The following FCHSD1 variants were observed in gnomAD, a reference collection of about 807,000 sequenced individuals.
FCHSD1 encodes F-BAR and double SH3 domains protein 1.
In FCHSD1, 109 loss-of-function variants were observed where a neutral mutation model predicts 101.3. The ratio of observed to expected loss-of-function variants is 1.08; its 90% CI spans 0.92 to 1.26. The LOEUF (loss-of-function observed/expected upper bound fraction) is 1.26. Among genes scored for constraint, FCHSD1 ranks in the 50% most tolerant of loss-of-function variants. The pLI, the probability that FCHSD1 is intolerant of heterozygous loss-of-function variation, is 0.00. For missense variants in FCHSD1, 820 were observed against 895.8 expected (o/e 0.92, Z 1.08); for synonymous variants, 291 against 356.8 (o/e 0.82, Z 2.08).
chr5:141,640,971 C>T lies in FCHSD1; in HGVS notation c.*527G>A, dbSNP rs888715992. ...TGGTGGGCCCCTAAAGCAATAGCAC[C>T]GTAGGCCCCCTGCCCTCTTAGCACA... On this transcript the variant is annotated 3_prime_UTR_variant, in exon 20 of 20. Coordinates refer to ENST00000435817, the MANE Select transcript of FCHSD1 (RefSeq NM_033449.3). 3 of 472,870 alleles carry T rather than the reference C, an allele frequency of 6.3e-6. No homozygotes were observed. The highest frequency in any genetic ancestry group is 3.3e-5 in the East Asian group (1 of 30,638). 29.3% of individuals were successfully genotyped at this position (472,870 alleles called of 1,614,324 possible).
chr5:141,640,028 T>A lies in FCHSD1; in HGVS notation c.*1470A>T. 6.2e-7 allele frequency: 1 copy of A among 1,613,174 alleles called. No homozygotes were observed. The highest frequency in any genetic ancestry group is 8.5e-7 in the Non-Finnish European group (1 of 1,179,770). ...GTGGGGGACAGGACCCAGGGGGTGG[T>A]CAGGGGTCTGGGGGAGGGCAGCCCA... On this transcript the variant is annotated 3_prime_UTR_variant, in exon 20 of 20. Coordinates refer to ENST00000435817, the MANE Select transcript of FCHSD1 (RefSeq NM_033449.3).
chr5:141,651,065 A>T lies in FCHSD1; in HGVS notation c.74T>A (p.Leu25His). Residue 25 changes from leucine (L) to histidine (H), a missense_variant, in exon 2 of 20, where the codon CTT becomes CAT. Leu to His is a moderately conservative substitution (Grantham distance 99). Transcript: ENST00000435817. ...CGCCTCCCTCTGCTGCCAGGTCTGA[A>T]GGATGCTCAGCTGTTCCAGGAAGCG... Reference protein sequence around the residue: ...KLRFLEQLSILQTWQQREADL... With the variant: ...KLRFLEQLSIHQTWQQREADL... 6.3e-7 allele frequency: 1 copy of T among 1,599,170 alleles called. No individual in the cohort carries two copies. The highest frequency in any genetic ancestry group is 1.1e-5 in the South Asian group (1 of 88,172).
At position 141,640,892 on chromosome 5, in the gene FCHSD1, C is replaced by T; in HGVS notation, c.*606G>A. ...AACAGGCTGCCTGCCCCGCCTTCCC[C>T]AACACCTCGCTCCATATGATAGAGC... On this transcript the variant is annotated 3_prime_UTR_variant, in exon 20 of 20. Transcript: ENST00000435817. The T allele has an allele frequency of 3.4e-6, 2 of 585,588 alleles. No individual in the cohort carries two copies. Among genetic ancestry groups the T allele is most frequent in the Non-Finnish European group, 3.0e-6 (1 of 330,576 alleles). The allele number at this position is 585,588 out of a possible 1,614,324, so 36.3% of individuals were successfully genotyped here.
Position 141,649,352 on chromosome 5 carries a change from G to T in FCHSD1, c.375+43C>A. 1 of 1,613,810 alleles carries T rather than the reference G, an allele frequency of 6.2e-7. No individual in the cohort carries two copies. Among genetic ancestry groups the T allele is most frequent in the Non-Finnish European group, 8.5e-7 (1 of 1,179,766 alleles). On this transcript the variant is annotated intron_variant, in intron 5 of 19. Transcript: ENST00000435817. This position sits in a 1 kb window ranked among gnomAD's most constrained non-coding sequence, Gnocchi z 4.1. The stretch of plus-strand genomic sequence containing the variant: ...AAAGTCCTTACCTAGACCACCTTTG[G>T]TCCCAAGCCAGCTCTTCCTTCACCC...
In FCHSD1 at chr5:141,640,382, C is replaced by T. The variant is rs2099906709; in HGVS notation, c.*1116G>A. On this transcript the variant is annotated 3_prime_UTR_variant, in exon 20 of 20. Coordinates refer to ENST00000435817, the MANE Select transcript of FCHSD1 (RefSeq NM_033449.3). ...CACTGATAGGACCTACTCCTGGTCT[C>T]TCATTGTTGACCCCTCCCCTTTCTC... 1.2e-6 allele frequency: 2 copies of T among 1,614,174 alleles called. No homozygotes were observed. Among genetic ancestry groups the T allele is most frequent in the Non-Finnish European group, 1.7e-6 (2 of 1,180,014 alleles).
chr5:141,641,665 C>G, intron 19 of FCHSD1, 37 bp downstream of exon 19: 1 of 1,613,544 alleles, frequency 6.2e-7, no homozygotes, highest in Non-Finnish European at 8.5e-7. Flanking sequence ...GGAATAACCC[C>G]TCTACATACA....
Position 141,640,285 on chromosome 5 carries a change from CTGA to C in FCHSD1, c.*1210_*1212del. The C allele has an allele frequency of 6.2e-7, 1 of 1,613,856 alleles. No homozygotes were observed. Among genetic ancestry groups the C allele is most frequent in the Non-Finnish European group, 8.5e-7 (1 of 1,179,856 alleles). The stretch of plus-strand genomic sequence containing the variant: ...GGGCAGCCAAGCAAACCAGACACTT[CTGA>C]TCACCAGGTAGGAAAACACAGCCGG... On this transcript the variant is annotated 3_prime_UTR_variant, in exon 20 of 20. Transcript: ENST00000435817.
Position 141,639,785 on chromosome 5 carries a change from C to G in FCHSD1, c.*1713G>C. 7.7e-7 allele frequency: 1 copy of G among 1,292,534 alleles called. No individual in the cohort carries two copies. Among genetic ancestry groups the G allele is most frequent in the Non-Finnish European group, 1.1e-6 (1 of 915,908 alleles). The allele number at this position is 1,292,534 out of a possible 1,614,324, so 80.1% of individuals were successfully genotyped here. ...AGAAGTCAGGCTACACAATGTGCCC[C>G]ACAATCTGAGAAGGCCTCCCCTACC... On this transcript the variant is annotated 3_prime_UTR_variant, in exon 20 of 20. Transcript: ENST00000435817. The surrounding 1 kb of genome is among the most constrained non-coding windows in gnomAD (Gnocchi z 4.4).
chr5:141,650,503 T>G, intron 2 of FCHSD1, 99 bp from the exon 3 acceptor site: 14 of 1,432,014 alleles, frequency 9.8e-6, no homozygotes, highest in Non-Finnish European at 1.4e-5. Flanking sequence ...AGGGAGCGGT[T>G]GGGGGGAGCC....
chr5:141,649,783 C>A lies in FCHSD1; in HGVS notation c.233+104G>T. ...TGCTGTGTCAGCTCTACCTACAGCTCACGTGCCTTCCCCACTTGCTAGGCC... is the reference window on the plus strand; with the variant it reads ...TGCTGTGTCAGCTCTACCTACAGCTAACGTGCCTTCCCCACTTGCTAGGCC... On this transcript the variant is annotated intron_variant, in intron 4 of 19. Coordinates refer to ENST00000435817, the MANE Select transcript of FCHSD1 (RefSeq NM_033449.3). The surrounding 1 kb of genome is among the most constrained non-coding windows in gnomAD (Gnocchi z 4.1). 1 of 1,359,698 alleles carries A rather than the reference C, an allele frequency of 7.4e-7. No individual in the cohort carries two copies. Among genetic ancestry groups the A allele is most frequent in the Non-Finnish European group, 1.0e-6 (1 of 1,001,308 alleles). The allele number at this position is 1,359,698 out of a possible 1,614,324, so 84.2% of individuals were successfully genotyped here.
At chr5:141,650,947 G>C in intron 2 of FCHSD1, 73 bp downstream of exon 2, 2 of 1,396,668 alleles carry the variant, frequency 1.4e-6, no homozygotes, top group Middle Eastern at 1.8e-4. Context: ...CTCCACCCCA[G>C]CACATGTATA....
chr5:141,646,593 C>G lies in FCHSD1; in HGVS notation c.1044+10G>C. The G allele has an allele frequency of 1.2e-6, 2 of 1,609,386 alleles. No homozygotes were observed. Among genetic ancestry groups the G allele is most frequent in the East Asian group, 2.2e-5 (1 of 44,788 alleles). Reference sequence around the variant, plus strand: ...AAGGTGCACATGACACCTGTGCCCCCCCACCTCACCCGATGCCCATGGTTC... The same window carrying G: ...AAGGTGCACATGACACCTGTGCCCCGCCACCTCACCCGATGCCCATGGTTC... On this transcript the variant is annotated intron_variant, in intron 11 of 19. Coordinates refer to ENST00000435817, the MANE Select transcript of FCHSD1 (RefSeq NM_033449.3).
At chr5:141,648,524 CAGTT>C (rs749294578) in intron 7 of FCHSD1, among the ~76,000 whole-genome samples, 7 of 152,188 alleles carry the variant, frequency 4.6e-5, no homozygotes, top group Admixed American at 1.3e-4. Flanking sequence ...TCCTTCTTGA[CAGTT>C]AGGCCACCTA....
In FCHSD1 at chr5:141,640,737, C is replaced by T. The variant is rs1337933957; in HGVS notation, c.*761G>A. On this transcript the variant is annotated 3_prime_UTR_variant, in exon 20 of 20. Coordinates refer to ENST00000435817, the MANE Select transcript of FCHSD1 (RefSeq NM_033449.3). Reference sequence around the variant, plus strand: ...GGGGGTGGGTGGGCGTGAAAGCCCTCCCCTCCACTGGACAGCACTGCCCCC... The same window carrying T: ...GGGGGTGGGTGGGCGTGAAAGCCCTTCCCTCCACTGGACAGCACTGCCCCC... 1 of 1,447,464 alleles carries T rather than the reference C, an allele frequency of 6.9e-7. No individual in the cohort carries two copies. Among genetic ancestry groups the T allele is most frequent in the African/African-American group, 1.4e-5 (1 of 71,268 alleles). 89.7% of individuals were successfully genotyped at this position (1,447,464 alleles called of 1,614,324 possible).
chr5:141,651,401 T>C lies in FCHSD1; in HGVS notation c.-33A>G. Reference sequence around the variant, plus strand: ...CCAGCAAGGCGGTCAGCCACTGGACTCCGGAACTGGAGGAAGCCCCGCCCA... The same window carrying C: ...CCAGCAAGGCGGTCAGCCACTGGACCCCGGAACTGGAGGAAGCCCCGCCCA... On this transcript the variant is annotated 5_prime_UTR_variant, in exon 1 of 20. Transcript: ENST00000435817. 1 of 1,551,086 alleles carries C rather than the reference T, an allele frequency of 6.4e-7. No individual in the cohort carries two copies. Among genetic ancestry groups the C allele is most frequent in the Non-Finnish European group, 8.7e-7 (1 of 1,147,044 alleles).
chr5:141,646,838 A>G, intron 10 of FCHSD1, 116 bp from the exon 11 acceptor site: 2 of 1,427,698 alleles, frequency 1.4e-6, no homozygotes, highest in Non-Finnish European at 1.9e-6. Context: ...AAAGGGGCAC[A>G]TGCCTACAGT....
At chr5:141,648,826 G>A (rs1214900129) in intron 7 of FCHSD1, 131 bp downstream of exon 7, 4 of 1,017,724 alleles carry the variant, frequency 3.9e-6, no homozygotes, top group African/African-American at 3.2e-5. Flanking sequence ...AATTAACCAA[G>A]GTTACCCACC....
Position 141,639,536 on chromosome 5 carries a change from C to G in FCHSD1, c.*1962G>C. ...ACACAGTGCACCTGGGCTCTGCAGC[C>G]CCTTGCCTCCATTGCAGCCGCAGCA... On this transcript the variant is annotated 3_prime_UTR_variant, in exon 20 of 20. Coordinates refer to ENST00000435817, the MANE Select transcript of FCHSD1 (RefSeq NM_033449.3). The surrounding 1 kb of genome is among the most constrained non-coding windows in gnomAD (Gnocchi z 4.4). 6.2e-7 allele frequency: 1 copy of G among 1,614,068 alleles called. No individual in the cohort carries two copies. Among genetic ancestry groups the G allele is most frequent in the Non-Finnish European group, 8.5e-7 (1 of 1,179,986 alleles).
chr5:141,647,805 T>C lies in FCHSD1; in HGVS notation c.705+163A>G, dbSNP rs79609691. ...AGTTTAAGTGTACTGTACAATGCCATGCAGCCAGCTAGGAGCAGAACCAGA... is the reference window on the plus strand; with the variant it reads ...AGTTTAAGTGTACTGTACAATGCCACGCAGCCAGCTAGGAGCAGAACCAGA... On this transcript the variant is annotated intron_variant, in intron 8 of 19. Coordinates refer to ENST00000435817, the MANE Select transcript of FCHSD1 (RefSeq NM_033449.3). 1.2e-3 allele frequency: 1,326 copies of C among 1,128,970 alleles called. 14 individuals are homozygous for C. The African/African-American group carries it at 0.019, about 16-fold the overall frequency. 69.9% of individuals were successfully genotyped at this position (1,128,970 alleles called of 1,614,324 possible). A position where few individuals can be genotyped will look rare whatever the true frequency, so the allele number is the denominator to read the frequency against.
Sources: gnomAD v4.1 joint callset for allele counts (sites outside exome capture counted in the v4.1 genomes callset) on GRCh38, gnomAD v4.1.1 for gene constraint, Gnocchi (gnomAD v3.1) non-coding constraint, MANE v1.5 for transcripts, NCBI Gene and HGNC (gene_info 2026-07-23, HGNC 2026-07-21) for gene names.